Variants in UBR1 observed in about 807,000 individuals in gnomAD.
The protein encoded by UBR1 is ubiquitin protein ligase E3 component n-recognin 1.
A neutral mutation model predicts 242.1 loss-of-function variants in UBR1; 102 were observed. That is an observed-to-expected ratio of 0.42 (90% CI 0.36 to 0.50). UBR1 has a LOEUF of 0.50. Ranked by LOEUF, UBR1 falls within the 20% of genes least tolerant of loss-of-function variation. UBR1 has a pLI of 0.01. For synonymous variants in UBR1, 675 were observed against 684.8 expected, an observed-to-expected ratio of 0.99 and a Z score of 0.22; for missense variants, 1,772 against 2,101.8, an observed-to-expected ratio of 0.84 and a Z score of 3.07.
chr15:42,964,744 C>T (rs1030033395), intron 41 of UBR1, among the ~76,000 whole-genome samples: 3 of 152,298 alleles, frequency 2.0e-5, no homozygotes, highest in East Asian at 1.9e-4. Context: ...TCTGTGACTA[C>T]GTCAAACGAA....
chr15:43,054,726 G>T lies in UBR1; in HGVS notation c.1439+16C>A. The T allele has an allele frequency of 1.9e-6, 3 of 1,613,858 alleles. No homozygotes were observed. The South Asian group carries it at 3.3e-5, about 18-fold the overall frequency. On this transcript the variant is annotated intron_variant, in intron 12 of 46. Transcript: ENST00000290650. ...AGTTTAACAGGTGCCCTCACCTTTT[G>T]ACTTGAACAACTTACTTTAGGTCAC...
rs145788329 is a variant in UBR1 at position 43,021,309 on chromosome 15, T to G, written c.2906A>C (p.Glu969Ala). 1.2e-6 allele frequency: 2 copies of G among 1,613,806 alleles called. No individual in the cohort carries two copies. Among genetic ancestry groups the G allele is most frequent in the Non-Finnish European group, 1.7e-6 (2 of 1,179,832 alleles). Reference protein sequence around the residue: ...LEKLKGIPQLEGQKDMITWIL... With the variant: ...LEKLKGIPQLAGQKDMITWIL... Reference sequence around the variant, plus strand: ...CCACGTTATCATGTCCTTCTGGCCTTCTAACTGGGGAATTCCTTTGAGTTT... The same window carrying G: ...CCACGTTATCATGTCCTTCTGGCCTGCTAACTGGGGAATTCCTTTGAGTTT... Residue 969 changes from glutamate to alanine, a missense_variant, in exon 27 of 47, where the codon GAA (glutamate) becomes GCA (alanine). Physicochemically the swap from Glu to Ala is moderately radical, Grantham distance 107. Transcript: ENST00000290650.
chr15:43,059,873 T>A (rs776849399), intron 7 of UBR1, 48 bp from the exon 8 acceptor site: 15 of 1,609,504 alleles, frequency 9.3e-6, no homozygotes, highest in Non-Finnish European at 1.3e-5. Flanking sequence ...AAAATTTGCT[T>A]TTAGTTAAGG....
At chr15:43,087,294 A>G (rs1596138678) in intron 1 of UBR1, among the ~76,000 whole-genome samples, 1 of 152,088 alleles carries the variant, frequency 6.6e-6, no homozygotes, top group South Asian at 2.1e-4. Context: ...AGTCCCAGCT[A>G]CTCAGGAGGT....
At chr15:42,987,608 G>C (rs1225925847) in intron 35 of UBR1, among the ~76,000 whole-genome samples, 1 of 151,604 alleles carries the variant, frequency 6.6e-6, no homozygotes, top group African/African-American at 2.4e-5. Flanking sequence ...CAGCTACTCG[G>C]GAGCCTGAGG....
At position 43,022,704 on chromosome 15, in the gene UBR1, G is replaced by T; in HGVS notation, c.2837C>A (p.Ser946Ter). Residue 946 changes from serine to a stop codon, truncating the protein, a stop_gained and splice_region_variant, in exon 26 of 47, where the codon TCA becomes TAA. Coordinates refer to ENST00000290650, the MANE Select transcript of UBR1 (RefSeq NM_174916.3). LOFTEE classifies it high-confidence loss of function. ...TGAAGAGTGATACTCAAACATACTT[G>T]AAGCCTTATGATAAAAGTCAAATGT... is the stretch of plus-strand genomic sequence containing the variant. ...EVTFDFYHKA[S>*]RLGSSAMNIQ... 6.2e-7 allele frequency: 1 copy of T among 1,604,768 alleles called. No individual in the cohort carries two copies. Among genetic ancestry groups the T allele is most frequent in the South Asian group, 1.1e-5 (1 of 90,708 alleles).
intron 29 of UBR1, 47 bp downstream of exon 29, chr15:43,015,641 T>TAAA: frequency 8.5e-7 from 1 of 1,182,894 alleles, no homozygotes; most frequent in Non-Finnish European, 1.2e-6. Flanking sequence ...ATGATCAATT[T>TAAA]AAAAAAAAAA....
At chr15:43,035,138 A>G (rs2033315785) in intron 19 of UBR1, among the ~76,000 whole-genome samples, 1 of 152,196 alleles carries the variant, frequency 6.6e-6, no homozygotes, top group South Asian at 2.1e-4. Flanking sequence ...ACAAGAAAAA[A>G]AACTTTTCAC....
Position 42,988,065 on chromosome 15 carries a change from C to T in UBR1, c.3997+754G>A, listed in dbSNP as rs996167226. 1.1e-4 allele frequency among the ~76,000 whole-genome samples: 17 copies of T among 152,242 alleles called. 1 individual carries two copies. Among genetic ancestry groups the T allele is most frequent in the Admixed American group, 9.2e-4 (14 of 15,292 alleles). On this transcript the variant is annotated intron_variant, in intron 35 of 46. Transcript: ENST00000290650. Reference sequence around the variant, plus strand: ...GCTTCCCTTTAGAGCTGGTTTCTGCCTGCTAATCTCTCTTAAACTGCCTCA... The same window carrying T: ...GCTTCCCTTTAGAGCTGGTTTCTGCTTGCTAATCTCTCTTAAACTGCCTCA...
chr15:43,056,798 T>C (rs772638974), intron 10 of UBR1, among the ~76,000 whole-genome samples: 20 of 152,178 alleles, frequency 1.3e-4, no homozygotes, highest in Non-Finnish European at 2.4e-4. Flanking sequence ...GCTTCCACTC[T>C]AATGGTATTG....
At chr15:43,056,492 T>C (rs755003630) in intron 10 of UBR1, 50 bp from the exon 11 acceptor site, 1 of 1,273,896 alleles carries the variant, frequency 7.8e-7, no homozygotes, top group Admixed American at 1.8e-5. Context: ...TAAAGACCTT[T>C]AAAAAATCCC....
At chr15:43,005,790 C>G (rs1169079177) in intron 30 of UBR1, among the ~76,000 whole-genome samples, 2 of 151,242 alleles carry the variant, frequency 1.3e-5, no homozygotes, top group Non-Finnish European at 3.0e-5. Flanking sequence ...AACCTTACCC[C>G]CAACCCCGTG....
At chr15:43,059,291 C>T (rs535187654) in intron 8 of UBR1, 99 bp from the exon 9 acceptor site, 31 of 1,040,398 alleles carry the variant, frequency 3.0e-5, no homozygotes, top group Middle Eastern at 2.3e-4. Context: ...TCTTGAACTC[C>T]TGGGCTCAAG....
chr15:43,014,570 G>A (rs1332333635), intron 29 of UBR1, among the ~76,000 whole-genome samples: 2 of 132,558 alleles, frequency 1.5e-5, no homozygotes, highest in African/African-American at 5.7e-5. Context: ...GCCCGGCCGC[G>A]ACCCCGTCTG....
chr15:42,964,629 C>A (rs995010369), intron 41 of UBR1, among the ~76,000 whole-genome samples: 2 of 152,168 alleles, frequency 1.3e-5, no homozygotes, highest in Non-Finnish European at 2.9e-5. Flanking sequence ...TATCGTGGCC[C>A]AAAGGTCCTG....
intron 3 of UBR1, among the ~76,000 whole-genome samples, chr15:43,079,704 C>A (rs144322438): frequency 0.059 from 8,994 of 152,086 alleles, 370 homozygotes; most frequent in African/African-American, 0.12. Context: ...ATGGAGTGAA[C>A]CCGGGAGACA....
chr15:43,022,631 T>A, intron 26 of UBR1, 71 bp downstream of exon 26: 1 of 1,115,104 alleles, frequency 9.0e-7, no homozygotes, highest in Non-Finnish European at 1.3e-6. Context: ...CTTTCAGGAT[T>A]GACAAATTAA....
chr15:42,968,769 T>G (rs1233781936), intron 40 of UBR1, among the ~76,000 whole-genome samples: 1 of 152,118 alleles, frequency 6.6e-6, no homozygotes, highest in Non-Finnish European at 1.5e-5. Context: ...CATGCGGCAT[T>G]TGGCTTTCTG....
At chr15:43,104,963 G>A (rs758570786) in intron 1 of UBR1, among the ~76,000 whole-genome samples, 3 of 152,088 alleles carry the variant, frequency 2.0e-5, no homozygotes, top group Non-Finnish European at 2.9e-5. Flanking sequence ...GAACTCGGAA[G>A]GTTGCAGTGA....
Sources: gnomAD v4.1 joint callset for allele counts (sites outside exome capture counted in the v4.1 genomes callset) on GRCh38, gnomAD v4.1.1 for gene constraint, MANE v1.5 for transcripts, NCBI Gene and HGNC (gene_info 2026-07-23, HGNC 2026-07-21) for gene names.